The following ALDH1L1 variants were observed in gnomAD, a reference collection of about 807,000 sequenced individuals.
ALDH1L1 encodes the protein cytosolic 10-formyltetrahydrofolate dehydrogenase.
A neutral mutation model predicts 101.1 loss-of-function variants in ALDH1L1; 68 were observed. The observed-to-expected ratio is 0.67, with a 90% CI of 0.55 to 0.82. The LOEUF (loss-of-function observed/expected upper bound fraction) is 0.82, where lower values mean the gene tolerates loss of function less well. Among genes scored for constraint, ALDH1L1 ranks in the 40% least tolerant of loss-of-function variants. The probability of loss-of-function intolerance (pLI) is 0.00; values close to 1 mark genes in which losing one functional copy is unlikely to be tolerated. For missense variants in ALDH1L1, 1,087 were observed against 1,172.7 expected (o/e 0.93, Z 1.07); for synonymous variants, 486 against 470.8 (o/e 1.03, Z -0.42).
intron 9 of ALDH1L1, among the ~76,000 whole-genome samples, chr3:126,143,732 T>C (rs2080615781): frequency 6.6e-6 from 1 of 152,116 alleles, no homozygotes; most frequent in Admixed American, 6.5e-5. Context: ...CACTTGAGCC[T>C]AGGAGTTCAA....
At chr3:126,187,614 A>T (rs1366524970) in intron 1 of ALDH1L1, among the ~76,000 whole-genome samples, 1 of 152,080 alleles carries the variant, frequency 6.6e-6, no homozygotes, top group Non-Finnish European at 1.5e-5. Flanking sequence ...GCATCAGACT[A>T]CTCAAGAAGC....
chr3:126,181,798 T>C (rs1384219209), upstream of ALDH1L1, among the ~76,000 whole-genome samples: 3 of 152,220 alleles, frequency 2.0e-5, no homozygotes, highest in Non-Finnish European at 2.9e-5. Context: ...GTTGAATGGC[T>C]TAATGCATGT....
At chr3:126,110,168 C>T (rs1211354100) in intron 19 of ALDH1L1, 59 bp from the exon 20 acceptor site, 1 of 1,595,416 alleles carries the variant, frequency 6.3e-7, no homozygotes, top group African/African-American at 1.3e-5. Context: ...TGACAATGAT[C>T]CTCACCTGAC....
intron 1 of ALDH1L1, among the ~76,000 whole-genome samples, chr3:126,164,379 G>A (rs940684266): frequency 3.3e-5 from 5 of 152,048 alleles, no homozygotes; most frequent in East Asian, 3.8e-4. Context: ...ACCCATTCCC[G>A]TACTCCCTCT....
At chr3:126,116,468 C>A (rs568735697) in intron 17 of ALDH1L1, among the ~76,000 whole-genome samples, 7 of 152,068 alleles carry the variant, frequency 4.6e-5, no homozygotes, top group Non-Finnish European at 1.0e-4. Flanking sequence ...ATCTTGCCCC[C>A]CAAACCCTCT....
At chr3:126,154,790 G>A in intron 5 of ALDH1L1, 147 bp from the exon 6 acceptor site, 2 of 684,774 alleles carry the variant, frequency 2.9e-6, no homozygotes, top group Non-Finnish European at 5.2e-6. Context: ...CTGAGCTGGT[G>A]CCCCTAGTTC....
chr3:126,183,321 A>T (rs1002650353), upstream of ALDH1L1, among the ~76,000 whole-genome samples: 2 of 152,214 alleles, frequency 1.3e-5, no homozygotes, highest in Non-Finnish European at 2.9e-5. Context: ...CAACATTTTT[A>T]AAAGAATTAT....
chr3:126,150,528 G>A lies in ALDH1L1; in HGVS notation c.862C>T (p.Leu288=), dbSNP rs1431470609. ...TCCTCCAGCTGAATATTCTTCACCA[G>A]CAGCTGCAAAAGGAAGGATTTCTTT... ...ILFGNDDKML[L]VKNIQLEDGK... The change falls in exon 8 of 23, where the codon CTG becomes TTG. Residue 288 remains leucine, a synonymous_variant. Coordinates refer to ENST00000393434, the MANE Select transcript of ALDH1L1 (RefSeq NM_012190.4). 6.4e-7 allele frequency: 1 copy of A among 1,550,802 alleles called. No homozygotes were observed. Among genetic ancestry groups the A allele is most frequent in the Admixed American group, 2.0e-5 (1 of 50,972 alleles).
intron 1 of ALDH1L1, among the ~76,000 whole-genome samples, chr3:126,189,998 C>A (rs4591460): frequency 0.18 from 27,531 of 152,070 alleles, 2,590 homozygotes; most frequent in South Asian, 0.21. Flanking sequence ...TTTGCAATAC[C>A]TTGTTTAACT....
rs571109885 is a variant in ALDH1L1, at chr3:126,150,854, G to A, written c.859-323C>T. ...ATTACAGGCATGAGCCACTGCGCCC[G>A]GCCAAAAGGAAGGATTTCACAGTTC... On this transcript the variant is annotated intron_variant, in intron 7 of 22. Transcript: ENST00000393434. 7.4e-5 allele frequency: 19 copies of A among 255,678 alleles called. No individual in the cohort carries two copies. The East Asian group carries it at 1.0e-3, about 14-fold the overall frequency. The allele number at this position is 255,678 out of a possible 1,614,324, so 15.8% of individuals were successfully genotyped here. A position where few individuals can be genotyped will look rare whatever the true frequency, so the allele number is the denominator to read the frequency against.
At chr3:126,149,524 GA>G (rs1458547433) in intron 8 of ALDH1L1, among the ~76,000 whole-genome samples, 2 of 152,218 alleles carry the variant, frequency 1.3e-5, no homozygotes, top group Non-Finnish European at 2.9e-5. Flanking sequence ...CTGCTCCAGG[GA>G]TATCTTTGGA....
chr3:126,131,232 A>T, intron 13 of ALDH1L1, 152 bp downstream of exon 13: 1 of 1,051,834 alleles, frequency 9.5e-7, no homozygotes, highest in Non-Finnish European at 1.3e-6. Flanking sequence ...TCCCACCTGC[A>T]GGACCACAAG....
At chr3:126,193,979 G>A (rs1011116713) in intron 1 of ALDH1L1, among the ~76,000 whole-genome samples, 2 of 152,098 alleles carry the variant, frequency 1.3e-5, no homozygotes, top group African/African-American at 4.8e-5. Flanking sequence ...GTGCTTTTTA[G>A]GGTCCATTTC....
At chr3:126,133,767 G>A (rs2080361827) in intron 12 of ALDH1L1, among the ~76,000 whole-genome samples, 1 of 152,220 alleles carries the variant, frequency 6.6e-6, no homozygotes, top group Admixed American at 6.5e-5. Flanking sequence ...ATGCAGGGGT[G>A]CCCAGCAGGC....
intron 15 of ALDH1L1, 104 bp from the exon 16 acceptor site, chr3:126,124,555 GGA>G (rs2108219369): frequency 1.1e-6 from 1 of 924,948 alleles, no homozygotes; most frequent in Non-Finnish European, 1.7e-6. Context: ...CAGCAAGCTG[GGA>G]GAGTAGCTGC....
intron 13 of ALDH1L1, among the ~76,000 whole-genome samples, 180 bp downstream of exon 13, chr3:126,131,199 ACCCAG>A (rs1043760691): frequency 6.6e-6 from 1 of 152,202 alleles, no homozygotes; most frequent in Non-Finnish European, 1.5e-5. Context: ...TTGGCATGGA[ACCCAG>A]CCCAGCCTGC....
chr3:126,117,904 C>G, intron 17 of ALDH1L1, 101 bp downstream of exon 17: 2 of 1,194,666 alleles, frequency 1.7e-6, no homozygotes, highest in Non-Finnish European at 2.4e-6. Flanking sequence ...GTGGCTGTGC[C>G]CTGGAGCCTG....
chr3:126,141,181 A>G (rs1344933504), intron 9 of ALDH1L1, among the ~76,000 whole-genome samples: 1 of 152,122 alleles, frequency 6.6e-6, no homozygotes, highest in African/African-American at 2.4e-5. Context: ...CATTATATTG[A>G]TACAAAGTTT....
chr3:126,118,078 G>A lies in ALDH1L1; in HGVS notation c.1909C>T (p.Leu637Phe). 1.2e-6 allele frequency: 2 copies of A among 1,613,844 alleles called. No individual in the cohort carries two copies. The highest frequency in any genetic ancestry group is 2.2e-5 in the East Asian group (1 of 44,864). ...TTCCTCACATCAGGATGGTCTGAGAGTCTCTGGCCGACCAGGGAGCCTGTG... is the reference window on the plus strand; with the variant it reads ...TTCCTCACATCAGGATGGTCTGAGAATCTCTGGCCGACCAGGGAGCCTGTG... ...PGSGSLVGQR[L>F]SDHPDVRKIG... The change falls in exon 17 of 23, where the codon CTC becomes TTC. Residue 637 changes from leucine to phenylalanine, a missense_variant. Around this residue, in one of 2 missense-constraint regions of ALDH1L1, gnomAD observed 442 missense variants for 535.7 expected, o/e 0.83. Coordinates refer to ENST00000393434, the MANE Select transcript of ALDH1L1 (RefSeq NM_012190.4).
Sources: gnomAD v4.1 joint callset for allele counts (sites outside exome capture counted in the v4.1 genomes callset) on GRCh38, gnomAD v4.1.1 for gene constraint, gnomAD v4.1.1 regional missense constraint, MANE v1.5 for transcripts, NCBI Gene and HGNC (gene_info 2026-07-23, HGNC 2026-07-21) for gene names.